LARS1: variants seen among roughly 807,000 people sequenced by gnomAD.
The protein encoded by LARS1 is leucine--tRNA ligase, cytoplasmic.
In LARS1, 100 loss-of-function variants were observed where a neutral mutation model predicts 162.8. The ratio of observed to expected loss-of-function variants is 0.61; its 90% CI spans 0.52 to 0.73. The LOEUF (loss-of-function observed/expected upper bound fraction) is 0.73, where lower values mean the gene tolerates loss of function less well. Ranked by LOEUF, LARS1 falls within the 30% of genes least tolerant of loss-of-function variation. LARS1 has a pLI of 0.00. For synonymous variants in LARS1, 457 were observed against 462.8 expected, an observed-to-expected ratio of 0.99 and a Z score of 0.16; for missense variants, 1,258 against 1,408.9, an observed-to-expected ratio of 0.89 and a Z score of 1.71.
chr5:146,174,571 C>CAT (rs1296975402), intron 2 of LARS1, among the ~76,000 whole-genome samples: 4 of 62,414 alleles, frequency 6.4e-5, no homozygotes, highest in African/African-American at 1.6e-4. Context: ...TATATATATC[C>CAT]ATATATGTAT....
intron 10 of LARS1, among the ~76,000 whole-genome samples, chr5:146,155,266 G>A (rs1036029044): frequency 6.6e-6 from 1 of 152,082 alleles, no homozygotes; most frequent in Non-Finnish European, 1.5e-5. Flanking sequence ...GGAATCCACA[G>A]CAAAAGCCAC....
chr5:146,154,640 T>C lies in LARS1; in HGVS notation c.1066-660A>G, dbSNP rs1753442062. On this transcript the variant is annotated intron_variant, in intron 10 of 31. Transcript: ENST00000394434. Reference sequence around the variant, plus strand: ...TAAAATACAAAAAATTAGCCAGGCGTGGTGGCATGCGCCTGTAGTCCCAGC... The same window carrying C: ...TAAAATACAAAAAATTAGCCAGGCGCGGTGGCATGCGCCTGTAGTCCCAGC... 2.0e-5 allele frequency among the ~76,000 whole-genome samples: 3 copies of C among 151,640 alleles called. No homozygotes were observed. The South Asian group carries it at 6.3e-4, about 32-fold the overall frequency.
At chr5:146,178,870 G>C (rs990767069) in intron 1 of LARS1, among the ~76,000 whole-genome samples, 1 of 152,032 alleles carries the variant, frequency 6.6e-6, no homozygotes, top group African/African-American at 2.4e-5. Context: ...TGAGGAGGGA[G>C]GATTATTTGA....
chr5:146,119,906 C>A (rs1317572396), intron 31 of LARS1, among the ~76,000 whole-genome samples: 1 of 152,046 alleles, frequency 6.6e-6, no homozygotes, highest in East Asian at 1.9e-4. Context: ...ATAAGAATAC[C>A]CTCTACATTA....
At chr5:146,169,673 G>A (rs755786007) in intron 4 of LARS1, among the ~76,000 whole-genome samples, 3 of 151,534 alleles carry the variant, frequency 2.0e-5, no homozygotes, top group South Asian at 4.2e-4. Flanking sequence ...CATAGCCTCC[G>A]AAGTAGCTGG....
intron 2 of LARS1, among the ~76,000 whole-genome samples, chr5:146,175,705 G>A (rs1336978245): frequency 4.6e-5 from 7 of 151,714 alleles, no homozygotes; most frequent in Admixed American, 4.0e-4. Flanking sequence ...GCAGCCGCCT[G>A]TAGTTCCAGC....
chr5:146,158,786 T>C (rs996380933), intron 8 of LARS1, among the ~76,000 whole-genome samples: 15 of 152,110 alleles, frequency 9.9e-5, no homozygotes, highest in South Asian at 2.1e-4. Flanking sequence ...ATACATCACA[T>C]TGAGAGCTCG....
chr5:146,157,318 T>C (rs1753573884), intron 10 of LARS1, 85 bp downstream of exon 10: 1 of 1,204,250 alleles, frequency 8.3e-7, no homozygotes, highest in Admixed American at 1.8e-5. Context: ...TTTTTTAAGG[T>C]TGTAATGCTC....
Position 146,143,035 on chromosome 5 carries a change from C to G in LARS1, c.1927G>C (p.Ala643Pro). The G allele has an allele frequency of 6.2e-7, 1 of 1,613,810 alleles. No homozygotes were observed. The highest frequency in any genetic ancestry group is 8.5e-7 in the Non-Finnish European group (1 of 1,179,912). ...GCAATCTGAGTCTTAGGAAATGGAGCCTCCTTGAAGAAAACATAATCCCAA... is the reference window on the plus strand; with the variant it reads ...GCAATCTGAGTCTTAGGAAATGGAGGCTCCTTGAAGAAAACATAATCCCAA... ...EVWDYVFFKE[A>P]PFPKTQIAKE... Residue 643 changes from alanine to proline, a missense_variant, in exon 20 of 32, where the codon GCT becomes CCT. By Grantham distance (27) the Ala-to-Pro change is conservative (BLOSUM62 -1). Transcript: ENST00000394434.
At position 146,174,492 on chromosome 5, in the gene LARS1, A is replaced by G. The variant is rs28449376; in HGVS notation, c.126-1718T>C. On this transcript the variant is annotated intron_variant, in intron 2 of 31. Transcript: ENST00000394434. ...TATATATATATATATATCCATATAT[A>G]TATATATCCATATATATATATATAT... Among the ~76,000 whole-genome samples, 123 of 12,778 alleles carry G rather than the reference A, an allele frequency of 9.6e-3. 2 individuals are homozygous for G. Among genetic ancestry groups the G allele is most frequent in the East Asian group, 0.052 (24 of 464 alleles). 8.4% of individuals were successfully genotyped at this position (12,778 alleles called of 152,430 possible).
chr5:146,152,115 C>G, intron 13 of LARS1, 113 bp from the exon 14 acceptor site: 2 of 1,060,588 alleles, frequency 1.9e-6, no homozygotes, highest in Non-Finnish European at 2.8e-6. Context: ...TTGTATATGT[C>G]ATTACGACAC....
chr5:146,168,074 T>C, intron 5 of LARS1, 54 bp downstream of exon 5: 1 of 1,474,884 alleles, frequency 6.8e-7, no homozygotes, highest in Non-Finnish European at 9.3e-7. Flanking sequence ...AATGCACATA[T>C]AAATCAGAAA....
rs1248906420 is a variant in LARS1, at chr5:146,160,379, C to A, written c.702G>T (p.Gly234=). Residue 234 remains glycine, a synonymous_variant, in exon 7 of 32, where the codon GGG becomes GGT. Transcript: ENST00000394434. ...TLRERNKIKF[G]KRYTIYSPKD... ...CTCAAGTATAACAAACTTACCGCTT[C>A]CCAAATTTAATTTTGTTTCTTTCTC... The A allele has an allele frequency of 6.5e-7, 1 of 1,537,936 alleles. No homozygotes were observed. The highest frequency in any genetic ancestry group is 2.4e-5 in the East Asian group (1 of 42,072).
chr5:146,174,523 T>TATATATATATATATCC (rs1754444744), intron 2 of LARS1, among the ~76,000 whole-genome samples: 1 of 14,758 alleles, frequency 6.8e-5, no homozygotes, highest in Non-Finnish European at 3.0e-4. Flanking sequence ...TATATATCCA[T>TATATATATATATATCC]ATATATATAT....
chr5:146,128,784 T>C lies in LARS1; in HGVS notation c.2770-2A>G, dbSNP rs139456270. ...CTGCAGGGGTTGTTTGTCAGTCTTC[T>C]AGACGGTAAAAGAAAGGAAAAACAT... is the stretch of plus-strand genomic sequence containing the variant. On this transcript the variant is annotated splice_acceptor_variant, in intron 26 of 31. Coordinates refer to ENST00000394434, the MANE Select transcript of LARS1 (RefSeq NM_020117.11). LOFTEE classifies it high-confidence loss of function. The C allele has an allele frequency of 1.2e-4, 190 of 1,597,536 alleles. No individual in the cohort carries two copies. In the Middle Eastern group the frequency reaches 1.5e-3, roughly 13 times the overall value.
intron 20 of LARS1, 117 bp downstream of exon 20, chr5:146,142,755 G>T (rs1319182793): frequency 2.6e-6 from 2 of 768,578 alleles, no homozygotes; most frequent in East Asian, 5.4e-5. Flanking sequence ...ATAAGAAAAA[G>T]AATGTAACTG....
In LARS1 at chr5:146,177,572, C is replaced by A. The variant is rs1754653835; in HGVS notation, c.100G>T (p.Ala34Ser). The A allele has an allele frequency of 6.4e-7, 1 of 1,573,048 alleles. No homozygotes were observed. The highest frequency in any genetic ancestry group is 1.1e-5 in the South Asian group (1 of 90,014). ...WDTERVFEVN[A>S]SNLEKQTSKG... ...CTGGTCTGTTTCTCTAAATTAGATG[C>A]ATTGACCTCAAACACTCTCTCAGTA... Residue 34 changes from alanine (A) to serine (S), a missense_variant, in exon 2 of 32, where the codon GCA becomes TCA. Coordinates refer to ENST00000394434, the MANE Select transcript of LARS1 (RefSeq NM_020117.11).
rs1156398806 is a variant in LARS1, at chr5:146,164,337, A to C, written c.567T>G (p.Ile189Met). Residue 189 changes from isoleucine (I) to methionine (M), a missense_variant, in exon 6 of 32, where the codon ATT becomes ATG. Coordinates refer to ENST00000394434, the MANE Select transcript of LARS1 (RefSeq NM_020117.11). ...HWLDYFPPLA[I>M]QDLKRMGLKV... is the part of the protein sequence containing the mutation. ...TCAAACCCATTCTTTTTAAATCCTGAATAGCCAGTGGCGGGAAATAATCAA... is the reference window on the plus strand; with the variant it reads ...TCAAACCCATTCTTTTTAAATCCTGCATAGCCAGTGGCGGGAAATAATCAA... The C allele has an allele frequency of 2.5e-6, 4 of 1,614,000 alleles. No homozygotes were observed. In the East Asian group the frequency reaches 8.9e-5, roughly 36 times the overall value.
intron 20 of LARS1, among the ~76,000 whole-genome samples, chr5:146,142,509 T>C (rs1752829036): frequency 6.6e-6 from 1 of 152,164 alleles, no homozygotes; most frequent in African/African-American, 2.4e-5. Flanking sequence ...AGAAACAGAC[T>C]CTAGTCAGAA....
Sources: gnomAD v4.1 joint callset for allele counts (sites outside exome capture counted in the v4.1 genomes callset) on GRCh38, gnomAD v4.1.1 for gene constraint, MANE v1.5 for transcripts, NCBI Gene and HGNC (gene_info 2026-07-23, HGNC 2026-07-21) for gene names.